Variants in RGS7 observed in about 807,000 individuals in gnomAD.
The protein encoded by RGS7 is regulator of G-protein signaling 7.
In RGS7, 27 loss-of-function variants were observed where a neutral mutation model predicts 81.1. That is an observed-to-expected ratio of 0.33 (90% CI 0.25 to 0.46). The LOEUF is 0.46. RGS7 is among the 20% of genes least tolerant of loss of function. The probability of loss-of-function intolerance (pLI) is 1.00; values close to 1 mark genes in which losing one functional copy is unlikely to be tolerated. For synonymous variants in RGS7, 208 were observed against 207.7 expected, an observed-to-expected ratio of 1.00 and a Z score of -0.01; for missense variants, 396 against 607.4, an observed-to-expected ratio of 0.65 and a Z score of 3.66.
At chr1:241,085,241 T>A (rs7511849) in intron 3 of RGS7, among the ~76,000 whole-genome samples, 5 of 152,002 alleles carry the variant, frequency 3.3e-5, no homozygotes, top group Non-Finnish European at 5.9e-5. Flanking sequence ...TTAATGAATA[T>A]CAAGAACACG....
At chr1:241,333,446 G>A (rs1459421291) in intron 2 of RGS7, among the ~76,000 whole-genome samples, 1 of 152,232 alleles carries the variant, frequency 6.6e-6, no homozygotes, top group African/African-American at 2.4e-5. Context: ...AGAGACTTCA[G>A]CTGGGACAAG....
At chr1:241,197,721 A>C (rs1299505654) in intron 2 of RGS7, among the ~76,000 whole-genome samples, 1 of 151,840 alleles carries the variant, frequency 6.6e-6, no homozygotes, top group Non-Finnish European at 1.5e-5. Context: ...AATTATTAGA[A>C]GTAAAAGGAG....
intron 4 of RGS7, among the ~76,000 whole-genome samples, chr1:240,950,707 C>CT (rs1679411956): frequency 6.6e-6 from 1 of 152,132 alleles, no homozygotes; most frequent in African/African-American, 2.4e-5. Context: ...GCTGAAAGAG[C>CT]TGTTAAGACA....
intron 2 of RGS7, among the ~76,000 whole-genome samples, chr1:241,269,094 T>C (rs940803772): frequency 2.2e-4 from 34 of 152,394 alleles, no homozygotes; most frequent in African/African-American, 7.7e-4. Flanking sequence ...TGATCACTTA[T>C]ATCATTTTTT....
chr1:241,270,814 G>A (rs930963798), intron 2 of RGS7, among the ~76,000 whole-genome samples: 3 of 150,566 alleles, frequency 2.0e-5, no homozygotes, highest in Non-Finnish European at 2.9e-5. Flanking sequence ...CTGGAGTCCA[G>A]TTGGCGCCAT....
chr1:240,919,069 T>A (rs143744626), intron 6 of RGS7, among the ~76,000 whole-genome samples: 2 of 152,146 alleles, frequency 1.3e-5, no homozygotes, highest in South Asian at 4.1e-4. Flanking sequence ...CTTATACTTA[T>A]TGAAGAAATT....
intron 2 of RGS7, among the ~76,000 whole-genome samples, chr1:241,329,530 C>A (rs2081834478): frequency 1.3e-5 from 2 of 152,138 alleles, no homozygotes; most frequent in Non-Finnish European, 2.9e-5. Context: ...TTACCCTACA[C>A]AAAAGAGTTC....
At chr1:240,776,984 C>T (rs1683045627) in intron 18 of RGS7, among the ~76,000 whole-genome samples, 1 of 152,138 alleles carries the variant, frequency 6.6e-6, no homozygotes, top group Non-Finnish European at 1.5e-5. Flanking sequence ...CTGTTAATCA[C>T]AAGTACTCTA....
At chr1:241,017,647 G>T (rs561837993) in intron 3 of RGS7, among the ~76,000 whole-genome samples, 1 of 152,086 alleles carries the variant, frequency 6.6e-6, no homozygotes, top group Non-Finnish European at 1.5e-5. Flanking sequence ...CTTCTTGATT[G>T]CATAGTTTCT....
At chr1:240,974,199 T>C (rs1683718958) in intron 4 of RGS7, among the ~76,000 whole-genome samples, 1 of 152,214 alleles carries the variant, frequency 6.6e-6, no homozygotes, top group South Asian at 2.1e-4. Context: ...TTCACTGGTA[T>C]TTTTACAACA....
chr1:240,954,471 G>C (rs972100444), intron 4 of RGS7, among the ~76,000 whole-genome samples: 1 of 151,888 alleles, frequency 6.6e-6, no homozygotes, highest in African/African-American at 2.4e-5. Flanking sequence ...ATTCACCATA[G>C]GACAAGCTAA....
intron 18 of RGS7, among the ~76,000 whole-genome samples, chr1:240,792,633 C>A (rs1456565408): frequency 6.6e-6 from 1 of 152,156 alleles, no homozygotes; most frequent in Admixed American, 6.5e-5. Context: ...CCTCTCCCTG[C>A]CTACTCTGCA....
chr1:241,247,580 G>A (rs911193268), intron 2 of RGS7, among the ~76,000 whole-genome samples: 1 of 152,026 alleles, frequency 6.6e-6, no homozygotes, highest in South Asian at 2.1e-4. Flanking sequence ...GGGTAGTAAG[G>A]CTTTGTAACA....
At chr1:240,854,908 C>T (rs550363351) in intron 9 of RGS7, among the ~76,000 whole-genome samples, 4 of 152,260 alleles carry the variant, frequency 2.6e-5, no homozygotes, top group Admixed American at 1.3e-4. Flanking sequence ...GATGGGATAC[C>T]ATACACTCTG....
intron 2 of RGS7, among the ~76,000 whole-genome samples, chr1:241,255,329 G>A (rs1308045993): frequency 6.6e-6 from 1 of 152,140 alleles, no homozygotes; most frequent in Non-Finnish European, 1.5e-5. Flanking sequence ...AAGAGAGACT[G>A]GCATTAATCA....
chr1:241,126,130 A>T (rs954648439), intron 2 of RGS7, among the ~76,000 whole-genome samples: 4 of 151,138 alleles, frequency 2.6e-5, no homozygotes, highest in African/African-American at 9.8e-5. Flanking sequence ...TTTCCCATTT[A>T]TATTTATTTA....
At chr1:241,088,983 G>T (rs565527981) in intron 3 of RGS7, among the ~76,000 whole-genome samples, 1 of 144,936 alleles carries the variant, frequency 6.9e-6, no homozygotes, top group African/African-American at 2.6e-5. Context: ...TTGAGACTGC[G>T]CGACTGCACT....
intron 3 of RGS7, among the ~76,000 whole-genome samples, chr1:241,091,416 C>T (rs2063864781): frequency 6.6e-6 from 1 of 151,820 alleles, no homozygotes; most frequent in Non-Finnish European, 1.5e-5. Flanking sequence ...AATGTGGTGG[C>T]AGGCACCTGT....
At chr1:241,190,934 T>A (rs575780054) in intron 2 of RGS7, among the ~76,000 whole-genome samples, 99 of 152,194 alleles carry the variant, frequency 6.5e-4, no homozygotes, top group Non-Finnish European at 1.3e-3. Context: ...TGTAGTTTTC[T>A]TGCAGAGGGG....
Sources: allele counts gnomAD v4.1 joint callset (sites outside exome capture counted in the v4.1 genomes callset), GRCh38; gene constraint gnomAD v4.1.1; transcripts MANE v1.5; gene names NCBI Gene and HGNC (gene_info 2026-07-23, HGNC 2026-07-21).